SCN8A: variants seen among roughly 807,000 people sequenced by gnomAD.
SCN8A encodes sodium voltage-gated channel alpha subunit 8, also known as sodium channel protein type 8 subunit alpha.
Under a neutral mutation model 184.1 loss-of-function variants are expected in SCN8A, and 30 were observed. The ratio of observed to expected loss-of-function variants is 0.16; its 90% CI spans 0.12 to 0.22. The LOEUF (loss-of-function observed/expected upper bound fraction) is 0.22, where lower values mean the gene tolerates loss of function less well. Ranked by LOEUF, SCN8A falls within the 10% of genes least tolerant of loss-of-function variation. The pLI is 1.00. For missense variants in SCN8A, 1,057 were observed against 2,498.9 expected, an observed-to-expected ratio of 0.42 and a Z score of 12.30; for synonymous variants, 852 against 907.0, an observed-to-expected ratio of 0.94 and a Z score of 1.09.
intron 12 of SCN8A, chr12:51,722,210 A>C (rs778087192): frequency 2.1e-5 from 10 of 473,066 alleles, no homozygotes; most frequent in East Asian, 1.1e-4. Flanking sequence ...TCCCCTATCA[A>C]CTCCTTCCTT....
intron 19 of SCN8A, among the ~76,000 whole-genome samples, chr12:51,773,112 G>A (rs57357918): frequency 0.09 from 13,390 of 149,494 alleles, 975 homozygotes; most frequent in East Asian, 0.36. Context: ...GCGAGACTCC[G>A]TCTCCAAAAA....
rs1463692893 is a variant in SCN8A at position 51,779,237 on chromosome 12, AT to A, written c.3820-1411del. On this transcript the variant is annotated intron_variant, in intron 20 of 26. Coordinates refer to ENST00000627620, the MANE Select transcript of SCN8A (RefSeq NM_001330260.2). ...TTTGTCTCAAAAAAAAAAAAAAAAA[AT>A]AGAAACCCAGACCCCAAACATTCTG... Among the ~76,000 whole-genome samples the A allele has an allele frequency of 2.6e-5, 4 of 151,110 alleles. No individual in the cohort carries two copies. The East Asian group carries it at 5.8e-4, about 22-fold the overall frequency.
intron 20 of SCN8A, among the ~76,000 whole-genome samples, chr12:51,777,678 C>T (rs1163530585): frequency 1.3e-5 from 2 of 152,124 alleles, no homozygotes; most frequent in African/African-American, 4.8e-5. Context: ...ACGTTTAGAG[C>T]CAGCCACTGA....
intron 25 of SCN8A, among the ~76,000 whole-genome samples, chr12:51,792,488 C>CAA (rs71092723): frequency 0.013 from 666 of 51,518 alleles, 9 homozygotes; most frequent in African/African-American, 0.032. Context: ...GACCCTATCT[C>CAA]AAAAAAAAAA....
intron 5 of SCN8A, 109 bp from the exon 6 acceptor site, chr12:51,688,896 C>A: frequency 6.4e-7 from 1 of 1,560,390 alleles, no homozygotes; most frequent in Non-Finnish European, 8.8e-7. Flanking sequence ...AGGGCCCTGA[C>A]GTGACGTATT....
chr12:51,676,267 C>T (rs533967087), intron 2 of SCN8A, among the ~76,000 whole-genome samples: 1 of 152,146 alleles, frequency 6.6e-6, no homozygotes, highest in Non-Finnish European at 1.5e-5. Flanking sequence ...TCCTGGGACA[C>T]ACTGGGGCTA....
intron 11 of SCN8A, among the ~76,000 whole-genome samples, chr12:51,707,497 G>T (rs1258625286): frequency 6.6e-6 from 1 of 152,056 alleles, no homozygotes; most frequent in Non-Finnish European, 1.5e-5. Context: ...GGGAGGCTAG[G>T]CCAGTCTCGC....
At chr12:51,748,092 A>G (rs1020099939) in intron 13 of SCN8A, among the ~76,000 whole-genome samples, 1 of 152,196 alleles carries the variant, frequency 6.6e-6, no homozygotes, top group Admixed American at 6.5e-5. Flanking sequence ...GCAAAGAGCA[A>G]TGAATGGCTG....
intron 14 of SCN8A, among the ~76,000 whole-genome samples, chr12:51,753,292 G>A (rs1314006706): frequency 1.3e-5 from 2 of 152,148 alleles, no homozygotes; most frequent in Non-Finnish European, 2.9e-5. Context: ...CAGTGGGGAG[G>A]GAGCTTAGTA....
chr12:51,748,853 G>A (rs1942554104), intron 13 of SCN8A, among the ~76,000 whole-genome samples: 3 of 152,136 alleles, frequency 2.0e-5, no homozygotes, highest in Non-Finnish European at 4.4e-5. Flanking sequence ...ATGCTTAAAA[G>A]TTGTTGAACT....
At chr12:51,756,882 T>G (rs1270283532) in intron 14 of SCN8A, among the ~76,000 whole-genome samples, 1 of 152,228 alleles carries the variant, frequency 6.6e-6, no homozygotes, top group Non-Finnish European at 1.5e-5. Flanking sequence ...TAAGTTTAAG[T>G]TCTCAGATTC....
In SCN8A at chr12:51,686,371, A is replaced by C; in HGVS notation, c.399A>C (p.Val133=). ...RIAIKILIHS[V]FSMIIMCTIL... ...TTGCCCCTTGACTCTTCTCTACAGT[A>C]TTTAGCATGATCATTATGTGCACTA... Residue 133 remains valine (V), a synonymous_variant, in exon 4 of 27, where the codon GTA becomes GTC. Transcript: ENST00000627620. 1 of 1,604,904 alleles carries C rather than the reference A, an allele frequency of 6.2e-7. No individual in the cohort carries two copies. Among genetic ancestry groups the C allele is most frequent in the South Asian group, 1.1e-5 (1 of 90,730 alleles).
intron 20 of SCN8A, among the ~76,000 whole-genome samples, chr12:51,775,229 G>A (rs113060899): frequency 2.6e-5 from 4 of 152,384 alleles, no homozygotes; most frequent in African/African-American, 9.6e-5. Flanking sequence ...TGCCAAGAAA[G>A]TAGAACGGTG....
chr12:51,695,557 T>C (rs1592385123), intron 6 of SCN8A, among the ~76,000 whole-genome samples: 1 of 152,202 alleles, frequency 6.6e-6, no homozygotes, highest in South Asian at 2.1e-4. Context: ...TGGAATGCAC[T>C]TGTGCTTCTG....
chr12:51,797,260 G>A lies in SCN8A; in HGVS notation c.4795+2619G>A, dbSNP rs375072329. The stretch of plus-strand genomic sequence containing the variant: ...CCAGAAGCGCACTAATCCTTAACCT[G>A]AATGCTATTACATAAAGTTAACAAC... On this transcript the variant is annotated intron_variant, in intron 26 of 26. Transcript: ENST00000627620. Among the ~76,000 whole-genome samples, 42 of 152,262 alleles carry A rather than the reference G, an allele frequency of 2.8e-4. 1 individual carries two copies. In the South Asian group the frequency reaches 8.3e-3, roughly 30 times the overall value.
Position 51,763,439 on chromosome 12 carries a change from A to G in SCN8A, c.2544+763A>G, listed in dbSNP as rs1195338278. On this transcript the variant is annotated intron_variant, in intron 15 of 26. Transcript: ENST00000627620. ...GCTAAGATGTGATGTTCAGTAGGTTACGTATATTAAATGCATTTTTACTTA... is the reference window on the plus strand; with the variant it reads ...GCTAAGATGTGATGTTCAGTAGGTTGCGTATATTAAATGCATTTTTACTTA... 1.3e-5 allele frequency among the ~76,000 whole-genome samples: 2 copies of G among 152,214 alleles called. 1 individual carries two copies. Among genetic ancestry groups the G allele is most frequent in the Middle Eastern group, 6.3e-3 (2 of 316 alleles).
chr12:51,811,158 G>A lies in SCN8A; in HGVS notation c.*3729G>A, dbSNP rs2138952915. The A allele has an allele frequency of 6.6e-6, 1 of 152,274 alleles. No homozygotes were observed. Among genetic ancestry groups the A allele is most frequent in the South Asian group, 2.1e-4 (1 of 4,812 alleles). The allele number at this position is 152,274 out of a possible 1,614,324, so 9.4% of individuals were successfully genotyped here. On this transcript the variant is annotated 3_prime_UTR_variant, in exon 27 of 27. Coordinates refer to ENST00000627620, the MANE Select transcript of SCN8A (RefSeq NM_001330260.2). Reference sequence around the variant, plus strand: ...TTGACTATCCCAATTCTTGAGTCCTGGGAGGGGTCTGGGAATTGGGACCTT... The same window carrying A: ...TTGACTATCCCAATTCTTGAGTCCTAGGAGGGGTCTGGGAATTGGGACCTT...
intron 26 of SCN8A, among the ~76,000 whole-genome samples, chr12:51,803,183 C>T (rs752645391): frequency 2.6e-5 from 4 of 152,060 alleles, no homozygotes; most frequent in Admixed American, 6.5e-5. Flanking sequence ...GCCAAAGGCC[C>T]GAGAGCCCCT....
intron 9 of SCN8A, among the ~76,000 whole-genome samples, chr12:51,704,472 C>G (rs2138745684): frequency 6.7e-6 from 1 of 149,710 alleles, no homozygotes; most frequent in Non-Finnish European, 1.5e-5. Context: ...GAGTTCAAGA[C>G]CAACCTGGCA....
Sources: allele counts gnomAD v4.1 joint callset (sites outside exome capture counted in the v4.1 genomes callset), GRCh38; gene constraint gnomAD v4.1.1; transcripts MANE v1.5; gene names NCBI Gene and HGNC (gene_info 2026-07-23, HGNC 2026-07-21).